The following HOOK1 variants were observed in gnomAD, a reference collection of about 807,000 sequenced individuals.
HOOK1 encodes hook microtubule tethering protein 1, also known as protein Hook homolog 1.
In HOOK1, 60 loss-of-function variants were observed where a neutral mutation model predicts 112.8. The observed-to-expected ratio is 0.53, with a 90% CI of 0.43 to 0.66. The LOEUF is 0.66. Among genes scored for constraint, HOOK1 ranks in the 30% least tolerant of loss-of-function variants. The probability of loss-of-function intolerance (pLI) is 0.00; values close to 1 mark genes in which losing one functional copy is unlikely to be tolerated. For missense variants in HOOK1, 770 were observed against 856.0 expected, an observed-to-expected ratio of 0.90 and a Z score of 1.25; for synonymous variants, 294 against 283.8, an observed-to-expected ratio of 1.04 and a Z score of -0.36.
chr1:59,861,556 A>G (rs1033869450), intron 15 of HOOK1, among the ~76,000 whole-genome samples: 1 of 152,328 alleles, frequency 6.6e-6, no homozygotes, highest in Middle Eastern at 3.4e-3. Context: ...GTAAATCCTC[A>G]TAATAACTCT....
chr1:59,873,234 A>C lies in HOOK1; in HGVS notation c.*269A>C, dbSNP rs988482668. 2 of 264,128 alleles carry C rather than the reference A, an allele frequency of 7.6e-6. No individual in the cohort carries two copies. The highest frequency in any genetic ancestry group is 4.4e-5 in the African/African-American group (2 of 45,492). The allele number at this position is 264,128 out of a possible 1,614,324, so 16.4% of individuals were successfully genotyped here. A position where few individuals can be genotyped will look rare whatever the true frequency, so the allele number is the denominator to read the frequency against. ...AAACAAACATTTGTCTTTTGAGAGTATTATAATTTCAAATTGGCCTTGTAT... is the reference window on the plus strand; with the variant it reads ...AAACAAACATTTGTCTTTTGAGAGTCTTATAATTTCAAATTGGCCTTGTAT... On this transcript the variant is annotated 3_prime_UTR_variant, in exon 22 of 22. Coordinates refer to ENST00000371208, the MANE Select transcript of HOOK1 (RefSeq NM_015888.6).
At position 59,872,986 on chromosome 1, in the gene HOOK1, A is replaced by G; in HGVS notation, c.*21A>G. 7.0e-7 allele frequency: 1 copy of G among 1,432,772 alleles called. No individual in the cohort carries two copies. Among genetic ancestry groups the G allele is most frequent in the Non-Finnish European group, 9.3e-7 (1 of 1,078,748 alleles). The allele number at this position is 1,432,772 out of a possible 1,614,324, so 88.8% of individuals were successfully genotyped here. A position where few individuals can be genotyped will look rare whatever the true frequency, so the allele number is the denominator to read the frequency against. On this transcript the variant is annotated 3_prime_UTR_variant, in exon 22 of 22. Coordinates refer to ENST00000371208, the MANE Select transcript of HOOK1 (RefSeq NM_015888.6). ...ATTAAACTGCAAAAAAAACAAAACA[A>G]AACAAAAAAACCACATAAAATAGAA... is the stretch of plus-strand genomic sequence containing the variant.
chr1:59,815,280 G>T, intron 1 of HOOK1, 100 bp downstream of exon 1: 1 of 1,128,278 alleles, frequency 8.9e-7, no homozygotes, highest in South Asian at 1.4e-5. Flanking sequence ...CCTGCACAGG[G>T]TCCCGGCGCA....
chr1:59,854,938 A>G (rs549623777), intron 12 of HOOK1, among the ~76,000 whole-genome samples: 1 of 152,230 alleles, frequency 6.6e-6, no homozygotes, highest in Non-Finnish European at 1.5e-5. Flanking sequence ...TAGCCTATAC[A>G]TGGTAAAACA....
chr1:59,847,262 A>G, intron 10 of HOOK1, 77 bp downstream of exon 10: 2 of 1,201,112 alleles, frequency 1.7e-6, no homozygotes, highest in Non-Finnish European at 2.4e-6. Flanking sequence ...TATTTTAATC[A>G]GGGATTCATA....
At chr1:59,863,824 G>T in intron 16 of HOOK1, 2 of 963,058 alleles carry the variant, frequency 2.1e-6, no homozygotes, top group African/African-American at 1.8e-5. Flanking sequence ...TTGGAAAATA[G>T]AAATCGTCTC....
intron 9 of HOOK1, 93 bp from the exon 10 acceptor site, chr1:59,846,938 GTGTTGAGTGTTATA>G: frequency 2.9e-6 from 2 of 700,094 alleles, no homozygotes; most frequent in Non-Finnish European, 4.5e-6. Flanking sequence ...ATATTTTATT[GTGTTGAGTGTTATA>G]TATGCATTTG....
chr1:59,854,586 T>G (rs1411260446), intron 12 of HOOK1, among the ~76,000 whole-genome samples: 2 of 152,184 alleles, frequency 1.3e-5, no homozygotes, highest in African/African-American at 4.8e-5. Flanking sequence ...TGTTTGACAG[T>G]CTTTTTCTTT....
At position 59,874,673 on chromosome 1, in the gene HOOK1, A is replaced by G. The variant is rs1252847410; in HGVS notation, c.*1708A>G. The G allele has an allele frequency of 1.3e-5, 2 of 152,226 alleles. No homozygotes were observed. The highest frequency in any genetic ancestry group is 2.9e-5 in the Non-Finnish European group (2 of 68,018). 9.4% of individuals were successfully genotyped at this position (152,226 alleles called of 1,614,324 possible). On this transcript the variant is annotated 3_prime_UTR_variant, in exon 22 of 22. Transcript: ENST00000371208. ...GTTGTATTTCAGTAAAACTTTATTT[A>G]CAAAGACAGGCGGTAGGCCAGATTT... is the stretch of plus-strand genomic sequence containing the variant.
chr1:59,826,305 A>G (rs1224326261), intron 2 of HOOK1, among the ~76,000 whole-genome samples: 1 of 152,028 alleles, frequency 6.6e-6, no homozygotes, highest in Admixed American at 6.6e-5. Flanking sequence ...CCAAGACTCT[A>G]AGGCATGTAG....
intron 17 of HOOK1, chr1:59,864,940 A>G: frequency 1.8e-6 from 1 of 566,546 alleles, no homozygotes; most frequent in Non-Finnish European, 3.2e-6. Flanking sequence ...AAACCTATAA[A>G]ATATTTTACT....
rs1644093686 is a variant in HOOK1, at chr1:59,873,760, T to TATATATATAC, written c.*800_*801insTATACATATA. 2.1e-5 allele frequency: 3 copies of TATATATATAC among 144,110 alleles called. No homozygotes were observed. The highest frequency in any genetic ancestry group is 2.2e-4 in the South Asian group (1 of 4,646). The allele number at this position is 144,110 out of a possible 1,614,324, so 8.9% of individuals were successfully genotyped here. On this transcript the variant is annotated 3_prime_UTR_variant, in exon 22 of 22. Coordinates refer to ENST00000371208, the MANE Select transcript of HOOK1 (RefSeq NM_015888.6). Reference sequence around the variant, plus strand: ...ATATATATATATATATATATATATATATATACTTTTTGTGAAATGTCTATA... The same window carrying TATATATATAC: ...ATATATATATATATATATATATATATATATATATACATATACTTTTTGTGAAATGTCTATA...
intron 2 of HOOK1, among the ~76,000 whole-genome samples, chr1:59,825,368 C>T (rs887462476): frequency 2.6e-5 from 4 of 151,412 alleles, no homozygotes; most frequent in African/African-American, 9.7e-5. Context: ...TTTGACTAAA[C>T]TTTTTTTTTG....
chr1:59,821,806 T>C (rs2098385895), intron 1 of HOOK1, 52 bp from the exon 2 acceptor site: 2 of 1,223,690 alleles, frequency 1.6e-6, no homozygotes, highest in African/African-American at 1.6e-5. Context: ...TTTGTAATGC[T>C]ACCTTGTAGG....
chr1:59,872,741 CG>C, intron 21 of HOOK1, 53 bp from the exon 22 acceptor site: 1 of 1,239,214 alleles, frequency 8.1e-7, no homozygotes, highest in Non-Finnish European at 1.0e-6. Context: ...GAGAAGCACT[CG>C]GCAAACTCTG....
intron 8 of HOOK1, among the ~76,000 whole-genome samples, chr1:59,843,178 A>G (rs1488410179): frequency 6.6e-6 from 1 of 151,494 alleles, no homozygotes; most frequent in African/African-American, 2.4e-5. Context: ...AAACAAAGGC[A>G]GGCATAGCAT....
intron 12 of HOOK1, among the ~76,000 whole-genome samples, chr1:59,849,411 A>G (rs1240196880): frequency 6.6e-6 from 1 of 151,516 alleles, no homozygotes; most frequent in Non-Finnish European, 1.5e-5. Context: ...GTCTCAATGA[A>G]TATTTTCTAA....
In HOOK1 at chr1:59,868,358, CTT is replaced by C. The variant is rs1240116946; in HGVS notation, c.1947+10_1947+11del. 2.0e-6 allele frequency: 3 copies of C among 1,471,756 alleles called. No individual in the cohort carries two copies. In the African/African-American group the frequency reaches 4.2e-5, roughly 20 times the overall value. The allele number at this position is 1,471,756 out of a possible 1,614,324, so 91.2% of individuals were successfully genotyped here. A position where few individuals can be genotyped will look rare whatever the true frequency, so the allele number is the denominator to read the frequency against. ...AAGAATTGAGATTCTGGAGGTAAAACTTTTATATTTACTCATCTTTTAGTTAT... is the reference window on the plus strand; with the variant it reads ...AAGAATTGAGATTCTGGAGGTAAAACTTATATTTACTCATCTTTTAGTTAT... On this transcript the variant is annotated splice_region_variant and intron_variant, in intron 20 of 21. Coordinates refer to ENST00000371208, the MANE Select transcript of HOOK1 (RefSeq NM_015888.6).
Position 59,871,105 on chromosome 1 carries a change from A to C in HOOK1, c.2011A>C (p.Asn671His), listed in dbSNP as rs772710163. 5.6e-6 allele frequency: 9 copies of C among 1,610,274 alleles called. No individual in the cohort carries two copies. The highest frequency in any genetic ancestry group is 2.2e-5 in the East Asian group (1 of 44,752). The change falls in exon 21 of 22, where the codon AAT (asparagine) becomes CAT (histidine). Residue 671 changes from asparagine to histidine, a missense_variant. By Grantham distance (68) the Asn-to-His change is moderately conservative. Transcript: ENST00000371208. ...AAAACTCATTGTTTCTGCGTGGTAT[A>C]ATAAGGTGAGCTGAAGTTCAGCAAA... is the stretch of plus-strand genomic sequence containing the variant. The part of the protein sequence containing the change: ...EEKLIVSAWY[N>H]KSLAFQKLGM...
Sources: gnomAD v4.1 joint callset for allele counts (sites outside exome capture counted in the v4.1 genomes callset) on GRCh38, gnomAD v4.1.1 for gene constraint, MANE v1.5 for transcripts, NCBI Gene and HGNC (gene_info 2026-07-23, HGNC 2026-07-21) for gene names.